Variants in NAGPA observed in about 807,000 individuals in gnomAD.
NAGPA encodes the protein N-acetylglucosamine-1-phosphodiester alpha-N-acetylglucosaminidase.
A neutral mutation model predicts 48.5 loss-of-function variants in NAGPA; 56 were observed. That is an observed-to-expected ratio of 1.15 (90% CI 0.93 to 1.44). NAGPA has a LOEUF of 1.44. NAGPA is among the 40% of genes most tolerant of loss of function. The pLI is 0.00. For synonymous variants in NAGPA, 399 were observed against 315.5 expected, an observed-to-expected ratio of 1.26 and a Z score of -2.81; for missense variants, 888 against 735.0, an observed-to-expected ratio of 1.21 and a Z score of -2.41.
Position 5,027,154 on chromosome 16 carries a change from C to A in NAGPA, c.1321G>T (p.Glu441Ter), listed in dbSNP as rs1956016679. 6.2e-7 allele frequency: 1 copy of A among 1,614,118 alleles called. No homozygotes were observed. Among genetic ancestry groups the A allele is most frequent in the Admixed American group, 1.7e-5 (1 of 60,014 alleles). The change falls in exon 9 of 10, where the codon GAA (glutamate) becomes TAA (stop). Residue 441 changes from glutamate to a stop codon, truncating the protein, a stop_gained. Transcript: ENST00000312251. LOFTEE classifies it low-confidence loss of function (END_TRUNC). ...QPPEATLRAG[E>*]LSFFTRTAWL... Reference sequence around the variant, plus strand: ...ACCTACCTGGTGAAAAAGGAGAGTTCTCCCGCCCTCAGGGTGGCTTCAGGT... The same window carrying A: ...ACCTACCTGGTGAAAAAGGAGAGTTATCCCGCCCTCAGGGTGGCTTCAGGT...
rs558660685 is a variant in NAGPA at position 5,027,378 on chromosome 16, C to G, written c.1176G>C (p.Glu392Asp). ...AGWTGSNCSE[E>D]CPLGWHGPGC... is the part of the protein sequence containing the mutation. ...CCGGCCCATGCCAGCCAAGGGGACA[C>G]TCTATGGAAAGGAGATGGGAGGAGG... The change falls in exon 8 of 10, where the codon GAG becomes GAC. Residue 392 changes from glutamate (E) to aspartate (D), a missense_variant and splice_region_variant. Coordinates refer to ENST00000312251, the MANE Select transcript of NAGPA (RefSeq NM_016256.4). 14 of 1,608,838 alleles carry G rather than the reference C, an allele frequency of 8.7e-6. No individual in the cohort carries two copies. The African/African-American group carries it at 1.6e-4, about 19-fold the overall frequency.
intron 5 of NAGPA, 174 bp downstream of exon 5, chr16:5,028,706 A>T (rs545907211): frequency 5.2e-6 from 5 of 961,350 alleles, no homozygotes; most frequent in Non-Finnish European, 8.2e-6. Flanking sequence ...TGACCAACTG[A>T]CCCTGCTCCT....
chr16:5,025,675 G>C lies in NAGPA; in HGVS notation c.1351C>G (p.Leu451Val). 1 of 1,608,022 alleles carries C rather than the reference G, an allele frequency of 6.2e-7. No homozygotes were observed. The highest frequency in any genetic ancestry group is 8.5e-7 in the Non-Finnish European group (1 of 1,177,362). Residue 451 changes from leucine to valine, a missense_variant, in exon 10 of 10, where the codon CTA becomes GTA. Physicochemically the swap from Leu to Val is conservative, Grantham distance 32 (BLOSUM62 1). Transcript: ENST00000312251. Reference sequence around the variant, plus strand: ...AAGGCCAGCGCCAGGGTGAGGGCTAGCCAGGCGGTCCTGCAGACAGGAGAG... The same window carrying C: ...AAGGCCAGCGCCAGGGTGAGGGCTACCCAGGCGGTCCTGCAGACAGGAGAG... ...ELSFFTRTAW[L>V]ALTLALAFLL...
chr16:5,033,176 GC>G lies in NAGPA; in HGVS notation c.542+96del, dbSNP rs1956133217. 7.2e-7 allele frequency: 1 copy of G among 1,384,754 alleles called. No individual in the cohort carries two copies. The highest frequency in any genetic ancestry group is 9.9e-7 in the Non-Finnish European group (1 of 1,011,424). The allele number at this position is 1,384,754 out of a possible 1,614,324, so 85.8% of individuals were successfully genotyped here. ...CCATTCTGCAGAGGAGGAAACAGGGGCTCAGCTTGGTTAAGTGACTTGAACA... is the reference window on the plus strand; with the variant it reads ...CCATTCTGCAGAGGAGGAAACAGGGGTCAGCTTGGTTAAGTGACTTGAACA... On this transcript the variant is annotated intron_variant, in intron 2 of 9. Transcript: ENST00000312251. This position sits in a 1 kb window ranked among gnomAD's most constrained non-coding sequence, Gnocchi z 4.2.
chr16:5,028,514 C>A (rs1326789010), intron 5 of NAGPA: 4 of 605,014 alleles, frequency 6.6e-6, no homozygotes, highest in Non-Finnish European at 1.2e-5. Context: ...GGATTCCAGG[C>A]GTGAGCCCCT....
At chr16:5,027,937 A>G in intron 6 of NAGPA, 43 bp downstream of exon 6, 8 of 1,613,476 alleles carry the variant, frequency 5.0e-6, no homozygotes, top group Non-Finnish European at 6.8e-6. Flanking sequence ...GCCTAGGGCA[A>G]GGCAGGGCTG....
Position 5,025,510 on chromosome 16 carries a change from G to A in NAGPA, c.1516C>T (p.Pro506Ser). The A allele has an allele frequency of 1.2e-6, 2 of 1,612,582 alleles. No individual in the cohort carries two copies. The highest frequency in any genetic ancestry group is 1.7e-6 in the Non-Finnish European group (2 of 1,179,990). ...GEPLAAEKEQ[P>S]GGAHNPFKD The stretch of plus-strand genomic sequence containing the variant: ...TTGAAGGGGTTGTGGGCGCCCCCTG[G>A]CTGCTCCTTCTCTGCGGCCAGAGGC... The change falls in exon 10 of 10, where the codon CCA becomes TCA. Residue 506 changes from proline (P) to serine (S), a missense_variant. Pro to Ser is a moderately conservative substitution (Grantham distance 74, BLOSUM62 -1). Transcript: ENST00000312251.
At chr16:5,030,240 G>T (rs532120457) in intron 4 of NAGPA, 145 bp downstream of exon 4, 4 of 732,476 alleles carry the variant, frequency 5.5e-6, no homozygotes, top group African/African-American at 5.2e-5. Flanking sequence ...CATCCTGTGG[G>T]AAGGTGAGGG....
At chr16:5,027,561 A>G (rs942537791) in intron 7 of NAGPA, among the ~76,000 whole-genome samples, 182 bp from the exon 8 acceptor site, 1 of 152,184 alleles carries the variant, frequency 6.6e-6, no homozygotes, top group Non-Finnish European at 1.5e-5. Flanking sequence ...TGGAAGCAGA[A>G]TCTCTACAGA....
rs914540605 is a variant in NAGPA, at chr16:5,028,056, G to A, written c.1050C>T (p.His350=). ...CVDGHCQCTG[H]FWRGPGCDEL... is the part of the protein sequence containing the mutation. ...CATCACAGCCGGGACCCCGCCAGAA[G>A]TGCCCGGTGCATTGGCAGTGCCCGT... Residue 350 remains histidine, a synonymous_variant, in exon 6 of 10, where the codon CAC becomes CAT. Transcript: ENST00000312251. 9 of 1,613,516 alleles carry A rather than the reference G, an allele frequency of 5.6e-6. No homozygotes were observed. In the African/African-American group the frequency reaches 9.4e-5, roughly 17 times the overall value.
chr16:5,028,574 C>T, intron 5 of NAGPA: 2 of 548,938 alleles, frequency 3.6e-6, no homozygotes, highest in South Asian at 3.9e-5. Flanking sequence ...CCCTACAATC[C>T]CTCCCAGCCC....
Position 5,025,264 on chromosome 16 carries a change from C to T in NAGPA, c.*214G>A. The T allele has an allele frequency of 1.6e-6, 1 of 628,242 alleles. No homozygotes were observed. The highest frequency in any genetic ancestry group is 2.8e-6 in the Non-Finnish European group (1 of 357,700). The allele number at this position is 628,242 out of a possible 1,614,324, so 38.9% of individuals were successfully genotyped here. On this transcript the variant is annotated 3_prime_UTR_variant, in exon 10 of 10. Coordinates refer to ENST00000312251, the MANE Select transcript of NAGPA (RefSeq NM_016256.4). ...GCAGGCCAGAAGCAGGCAGCTGAGC[C>T]TCTCCAGCGAGCATGGTATTGCTAG...
intron 2 of NAGPA, chr16:5,032,878 G>T: frequency 3.7e-6 from 1 of 267,586 alleles, no homozygotes; most frequent in Non-Finnish European, 7.1e-6. Flanking sequence ...AGGTCACCTC[G>T]GAGAGGCGTG....
In NAGPA at chr16:5,025,249, A is replaced by AAG. The variant is rs1955974937; in HGVS notation, c.*228_*229insCT. The AAG allele has an allele frequency of 6.7e-6, 4 of 598,746 alleles. No individual in the cohort carries two copies. In the Admixed American group the frequency reaches 1.2e-4, roughly 18 times the overall value. 37.1% of individuals were successfully genotyped at this position (598,746 alleles called of 1,614,324 possible). ...CGGCAGCAGACACAGGCAGGCCAGA[A>AAG]GCAGGCAGCTGAGCCTCTCCAGCGA... On this transcript the variant is annotated 3_prime_UTR_variant, in exon 10 of 10. Coordinates refer to ENST00000312251, the MANE Select transcript of NAGPA (RefSeq NM_016256.4).
At chr16:5,031,232 G>C (rs1192531494) in intron 3 of NAGPA, 1 of 193,684 alleles carries the variant, frequency 5.2e-6, no homozygotes, top group Non-Finnish European at 1.1e-5. Context: ...ACCACACCTA[G>C]CTTACTGCCC....
chr16:5,025,171 G>A lies in NAGPA; in HGVS notation c.*307C>T. The A allele has an allele frequency of 2.2e-6, 1 of 445,006 alleles. No homozygotes were observed. 27.6% of individuals were successfully genotyped at this position (445,006 alleles called of 1,614,324 possible). ...GGTTCGTTGGCAGCCCCTTCCCCAG[G>A]AGGAGGGAGACTCTTTGGCAGTGCG... On this transcript the variant is annotated 3_prime_UTR_variant, in exon 10 of 10. Coordinates refer to ENST00000312251, the MANE Select transcript of NAGPA (RefSeq NM_016256.4).
At position 5,031,836 on chromosome 16, in the gene NAGPA, C is replaced by G. The variant is rs146071322; in HGVS notation, c.591G>C (p.Gln197His). 754 of 1,614,204 alleles carry G rather than the reference C, an allele frequency of 4.7e-4. No individual in the cohort carries two copies. The highest frequency in any genetic ancestry group is 6.0e-4 in the Non-Finnish European group (703 of 1,180,040). Residue 197 changes from glutamine (Q) to histidine (H), a missense_variant, in exon 3 of 10, where the codon CAG (glutamine) becomes CAC (histidine). Physicochemically the swap from Gln to His is conservative, Grantham distance 24. Coordinates refer to ENST00000312251, the MANE Select transcript of NAGPA (RefSeq NM_016256.4). The stretch of plus-strand genomic sequence containing the variant: ...TCAGCCACACGACCCCACTCAGCAG[C>G]TGCACAAATGGGTTCTCAGTGTCCA... ...EVLDTENPFV[Q>H]LLSGVVWLIR...
In NAGPA at chr16:5,025,388, C is replaced by A; in HGVS notation, c.*90G>T. 2 of 1,497,830 alleles carry A rather than the reference C, an allele frequency of 1.3e-6. No homozygotes were observed. The highest frequency in any genetic ancestry group is 1.2e-5 in the South Asian group (1 of 84,494). The allele number at this position is 1,497,830 out of a possible 1,614,324, so 92.8% of individuals were successfully genotyped here. A position where few individuals can be genotyped will look rare whatever the true frequency, so the allele number is the denominator to read the frequency against. On this transcript the variant is annotated 3_prime_UTR_variant, in exon 10 of 10. Transcript: ENST00000312251. The stretch of plus-strand genomic sequence containing the variant: ...CAGGGGCTGAGGACACCCAGATGGT[C>A]CACGCCAGTGGCCTTGAAATTTCCC...
intron 5 of NAGPA, chr16:5,028,511 A>G (rs952696926): frequency 1.2e-5 from 7 of 607,698 alleles, no homozygotes; most frequent in Non-Finnish European, 2.1e-5. Context: ...CTGGGATTCC[A>G]GGCGTGAGCC....
Sources: gnomAD v4.1 joint callset for allele counts (sites outside exome capture counted in the v4.1 genomes callset) on GRCh38, gnomAD v4.1.1 for gene constraint, Gnocchi (gnomAD v3.1) non-coding constraint, MANE v1.5 for transcripts, NCBI Gene and HGNC (gene_info 2026-07-23, HGNC 2026-07-21) for gene names.